The following PDE4D variants were observed in gnomAD, a reference collection of about 807,000 sequenced individuals.
The protein encoded by PDE4D is phosphodiesterase 4D.
A neutral mutation model predicts 87.4 loss-of-function variants in PDE4D; 24 were observed. That is an observed-to-expected ratio of 0.27 (90% CI 0.20 to 0.39). The LOEUF is 0.39. Ranked by LOEUF, PDE4D falls within the 10% of genes least tolerant of loss-of-function variation. PDE4D has a pLI of 1.00. For missense variants in PDE4D, 714 were observed against 1,041.0 expected, an observed-to-expected ratio of 0.69 and a Z score of 4.32; for synonymous variants, 384 against 383.2, an observed-to-expected ratio of 1.00 and a Z score of -0.02.
At chr5:59,430,771 C>T (rs1289564838) in intron 1 of PDE4D, among the ~76,000 whole-genome samples, 1 of 152,024 alleles carries the variant, frequency 6.6e-6, no homozygotes, top group Non-Finnish European at 1.5e-5. Flanking sequence ...CCATTTTTGT[C>T]TAACGTTGAA....
chr5:59,719,671 C>T (rs1755547031), intron 1 of PDE4D, among the ~76,000 whole-genome samples: 1 of 152,094 alleles, frequency 6.6e-6, no homozygotes, highest in African/African-American at 2.4e-5. Context: ...AATGAAATTA[C>T]AATATTATTT....
chr5:58,983,232 A>G (rs1745645251), intron 11 of PDE4D, among the ~76,000 whole-genome samples: 1 of 152,246 alleles, frequency 6.6e-6, no homozygotes, highest in African/African-American at 2.4e-5. Context: ...CCATCCGTAA[A>G]CCAGGCCCTC....
chr5:60,367,523 A>G (rs1221459345), intron 1 of PDE4D, among the ~76,000 whole-genome samples: 1 of 151,798 alleles, frequency 6.6e-6, no homozygotes, highest in Non-Finnish European at 1.5e-5. Context: ...TTTCATCCTA[A>G]TAGCCCAAAC....
chr5:60,175,204 C>T (rs967443063), intron 2 of PDE4D, among the ~76,000 whole-genome samples: 4 of 152,006 alleles, frequency 2.6e-5, no homozygotes, highest in African/African-American at 7.2e-5. Flanking sequence ...AGCTGTCTCA[C>T]GTCTACTAAC....
rs141604737 is a variant in PDE4D, at chr5:59,531,814, G to A, written c.456-315846C>T. ...GCTAATACGGACACTACATCTCAAG[G>A]TCTGTGCCCCTAATCAAATCTGCAA... On this transcript the variant is annotated intron_variant, in intron 1 of 14. Transcript: ENST00000340635. Among the ~76,000 whole-genome samples the A allele has an allele frequency of 2.6e-3, 395 of 152,278 alleles. 4 individuals are homozygous for A. Among genetic ancestry groups the A allele is most frequent in the African/African-American group, 8.9e-3 (369 of 41,538 alleles).
chr5:59,117,619 G>A (rs765733653), intron 5 of PDE4D, among the ~76,000 whole-genome samples: 38 of 152,072 alleles, frequency 2.5e-4, no homozygotes, highest in Non-Finnish European at 3.7e-4. Flanking sequence ...TGACTTTTTG[G>A]TTCTATTATT....
intron 2 of PDE4D, among the ~76,000 whole-genome samples, chr5:60,089,123 G>A (rs569374703): frequency 6.6e-6 from 1 of 152,132 alleles, no homozygotes; most frequent in Admixed American, 6.5e-5. Context: ...TTTGGCAGCA[G>A]ATAGGTAATC....
chr5:59,554,280 C>A (rs1211297107), intron 1 of PDE4D, among the ~76,000 whole-genome samples: 1 of 152,130 alleles, frequency 6.6e-6, no homozygotes, highest in African/African-American at 2.4e-5. Context: ...GTTCTAAGAA[C>A]TTTATATGTA....
At chr5:59,361,917 AGTTT>A (rs2153593365) in intron 1 of PDE4D, among the ~76,000 whole-genome samples, 1 of 152,274 alleles carries the variant, frequency 6.6e-6, no homozygotes, top group Admixed American at 6.5e-5. Context: ...GGGCTTATTT[AGTTT>A]CTTTTTCCTA....
At chr5:60,228,714 C>CA (rs373159550) in intron 1 of PDE4D, among the ~76,000 whole-genome samples, 84 of 149,466 alleles carry the variant, frequency 5.6e-4, no homozygotes, top group East Asian at 9.8e-4. Context: ...GCTAAACTAC[C>CA]AAAAAAAACA....
chr5:60,172,941 C>T (rs2149485313), intron 2 of PDE4D, among the ~76,000 whole-genome samples: 1 of 152,184 alleles, frequency 6.6e-6, no homozygotes, highest in South Asian at 2.1e-4. Flanking sequence ...ATAGGGATCC[C>T]CAACAAGCCT....
At chr5:59,243,877 T>G (rs1235871655) in intron 1 of PDE4D, among the ~76,000 whole-genome samples, 1 of 152,112 alleles carries the variant, frequency 6.6e-6, no homozygotes, top group Non-Finnish European at 1.5e-5. Context: ...TCCAAAAATT[T>G]TGCCAAAGTA....
At chr5:59,550,190 C>G (rs1174120680) in intron 1 of PDE4D, among the ~76,000 whole-genome samples, 1 of 151,566 alleles carries the variant, frequency 6.6e-6, no homozygotes, top group African/African-American at 2.4e-5. Flanking sequence ...GAAAATCTAC[C>G]ATGTTAAAAA....
chr5:60,092,955 C>T (rs916591019), intron 2 of PDE4D, among the ~76,000 whole-genome samples: 1 of 152,170 alleles, frequency 6.6e-6, no homozygotes, highest in Non-Finnish European at 1.5e-5. Flanking sequence ...CTACCTGATC[C>T]AAGCATATCA....
At chr5:59,072,717 G>GT (rs941506371) in intron 5 of PDE4D, among the ~76,000 whole-genome samples, 1 of 152,034 alleles carries the variant, frequency 6.6e-6, no homozygotes, top group South Asian at 2.1e-4. Flanking sequence ...TCTTCATGTT[G>GT]TTTTTTTGTT....
At chr5:59,554,162 G>C (rs539665671) in intron 1 of PDE4D, among the ~76,000 whole-genome samples, 2 of 152,174 alleles carry the variant, frequency 1.3e-5, no homozygotes, top group African/African-American at 4.8e-5. Context: ...CAATTAATAA[G>C]GCAAAGTTCC....
At chr5:59,432,259 T>A (rs1796211770) in intron 1 of PDE4D, among the ~76,000 whole-genome samples, 1 of 134,558 alleles carries the variant, frequency 7.4e-6, no homozygotes, top group Admixed American at 7.2e-5. Flanking sequence ...CTATGTATAA[T>A]CCTTTATTAA....
chr5:59,759,803 C>A (rs1253136391), intron 1 of PDE4D, among the ~76,000 whole-genome samples: 1 of 152,196 alleles, frequency 6.6e-6, no homozygotes, highest in African/African-American at 2.4e-5. Context: ...TTGCTCCCCA[C>A]CTTCTGGTAT....
intron 2 of PDE4D, among the ~76,000 whole-genome samples, chr5:59,209,474 C>A (rs1749601801): frequency 6.6e-6 from 1 of 152,158 alleles, no homozygotes; most frequent in Non-Finnish European, 1.5e-5. Context: ...ATGTGAGCCA[C>A]CATGCCTAGC....
Sources: allele counts gnomAD v4.1 joint callset (sites outside exome capture counted in the v4.1 genomes callset), GRCh38; gene constraint gnomAD v4.1.1; transcripts MANE v1.5; gene names NCBI Gene and HGNC (gene_info 2026-07-23, HGNC 2026-07-21).